Variants in RFX3 observed in about 807,000 individuals in gnomAD.
RFX3 encodes regulatory factor X3, also known as transcription factor RFX3.
Under a neutral mutation model 98.6 loss-of-function variants are expected in RFX3, and 14 were observed. The observed-to-expected ratio is 0.14, with a 90% CI of 0.09 to 0.22. The LOEUF (loss-of-function observed/expected upper bound fraction) is 0.22. Among genes scored for constraint, RFX3 ranks in the 10% least tolerant of loss-of-function variants. The pLI is 1.00. For synonymous variants in RFX3, 383 were observed against 328.4 expected, an observed-to-expected ratio of 1.17 and a Z score of -1.80; for missense variants, 639 against 926.9, an observed-to-expected ratio of 0.69 and a Z score of 4.03.
intron 1 of RFX3, among the ~76,000 whole-genome samples, chr9:3,486,156 A>ATAAT (rs1376623022): frequency 6.5e-4 from 98 of 150,954 alleles, no homozygotes; most frequent in African/African-American, 2.3e-3. Flanking sequence ...AAAAAAAAGA[A>ATAAT]TAATACAGAT....
intron 1 of RFX3, among the ~76,000 whole-genome samples, chr9:3,471,318 T>A (rs1439952169): frequency 6.6e-6 from 1 of 152,238 alleles, no homozygotes; most frequent in Non-Finnish European, 1.5e-5. Context: ...CATTCTGGCA[T>A]CATTTTACAA....
intron 1 of RFX3, 62 bp downstream of exon 1, chr9:3,525,685 A>G (rs994918106): frequency 6.3e-6 from 1 of 159,648 alleles, no homozygotes; most frequent in Non-Finnish European, 1.3e-5. Context: ...ACACGCACGG[A>G]CACACGCGTT....
intron 1 of RFX3, among the ~76,000 whole-genome samples, chr9:3,450,331 A>G (rs2132849233): frequency 6.6e-6 from 1 of 152,234 alleles, no homozygotes; most frequent in Non-Finnish European, 1.5e-5. Flanking sequence ...AAACAACATA[A>G]AACACAGTTA....
At chr9:3,338,744 C>G (rs1483798470) in intron 3 of RFX3, among the ~76,000 whole-genome samples, 1 of 152,096 alleles carries the variant, frequency 6.6e-6, no homozygotes, top group Non-Finnish European at 1.5e-5. Flanking sequence ...CTAGTTGATA[C>G]TACAATTATG....
chr9:3,311,984 C>A (rs962143751), intron 4 of RFX3, among the ~76,000 whole-genome samples: 1 of 152,154 alleles, frequency 6.6e-6, no homozygotes, highest in Non-Finnish European at 1.5e-5. Flanking sequence ...ATGCTCTAAC[C>A]TCCTGTTTCA....
intron 4 of RFX3, among the ~76,000 whole-genome samples, chr9:3,318,652 A>G (rs1830909724): frequency 1.3e-5 from 2 of 151,846 alleles, no homozygotes; most frequent in African/African-American, 4.8e-5. Context: ...AGGTTTTATA[A>G]ATGTTCAAAT....
At chr9:3,352,401 T>C (rs773537868) in intron 2 of RFX3, among the ~76,000 whole-genome samples, 2 of 152,138 alleles carry the variant, frequency 1.3e-5, no homozygotes, top group Admixed American at 6.6e-5. Context: ...AAAACTATCA[T>C]CTTTTATTCT....
At chr9:3,318,868 T>C (rs1161141054) in intron 4 of RFX3, among the ~76,000 whole-genome samples, 1 of 152,184 alleles carries the variant, frequency 6.6e-6, no homozygotes, top group African/African-American at 2.4e-5. Context: ...ATTTGGCTTA[T>C]TTTGGGATGC....
intron 1 of RFX3, among the ~76,000 whole-genome samples, chr9:3,486,001 T>C (rs752404344): frequency 1.3e-5 from 2 of 151,788 alleles, no homozygotes; most frequent in Non-Finnish European, 2.9e-5. Flanking sequence ...GCGCATTGCC[T>C]GTAATCCCAG....
chr9:3,437,273 AGAGAC>A (rs1355698886), intron 1 of RFX3, among the ~76,000 whole-genome samples: 1 of 152,008 alleles, frequency 6.6e-6, no homozygotes, highest in Non-Finnish European at 1.5e-5. Flanking sequence ...ACTGTACTCA[AGAGAC>A]ATTTAGTTTT....
chr9:3,508,011 T>C (rs886363597), intron 1 of RFX3, among the ~76,000 whole-genome samples: 1 of 151,730 alleles, frequency 6.6e-6, no homozygotes, highest in Non-Finnish European at 1.5e-5. Flanking sequence ...TGATAACTAA[T>C]AAATATTTCT....
At chr9:3,512,235 C>G (rs1213693413) in intron 1 of RFX3, among the ~76,000 whole-genome samples, 3 of 151,808 alleles carry the variant, frequency 2.0e-5, no homozygotes, top group Non-Finnish European at 4.4e-5. Flanking sequence ...CAAAGCAACA[C>G]AAAGTAAAGA....
intron 1 of RFX3, among the ~76,000 whole-genome samples, chr9:3,516,727 T>A (rs1199164026): frequency 6.8e-6 from 1 of 147,640 alleles, no homozygotes; most frequent in African/African-American, 2.4e-5. Context: ...GCTTTCGCAC[T>A]CTCTCTCTCT....
At chr9:3,388,503 A>C (rs1248285698) in intron 2 of RFX3, among the ~76,000 whole-genome samples, 1 of 152,140 alleles carries the variant, frequency 6.6e-6, no homozygotes, top group African/African-American at 2.4e-5. Context: ...AACCAAAAAG[A>C]AACCAATATA....
intron 3 of RFX3, among the ~76,000 whole-genome samples, chr9:3,338,950 G>T (rs147385812): frequency 3.3e-5 from 5 of 151,930 alleles, no homozygotes; most frequent in African/African-American, 1.2e-4. Flanking sequence ...TTAGCCGGGC[G>T]TGGTGGCGTG....
intron 1 of RFX3, among the ~76,000 whole-genome samples, chr9:3,449,235 C>A (rs575275263): frequency 3.9e-5 from 6 of 152,302 alleles, no homozygotes; most frequent in Admixed American, 6.5e-5. Flanking sequence ...TGTCCAAGAT[C>A]ATTGTTTCTA....
At position 3,296,386 on chromosome 9, in the gene RFX3, T is replaced by C. The variant is rs1827992846; in HGVS notation, c.550-3128A>G. Among the ~76,000 whole-genome samples, 4 of 152,128 alleles carry C rather than the reference T, an allele frequency of 2.6e-5. No individual in the cohort carries two copies. The South Asian group carries it at 8.3e-4, about 31-fold the overall frequency. On this transcript the variant is annotated intron_variant, in intron 5 of 16. Coordinates refer to ENST00000617270, the MANE Select transcript of RFX3 (RefSeq NM_001282116.2). ...ACAAGAAGTGAAGCTTTTACTCGAT[T>C]GGCTATGCAGGCCACTGAAATGGCT...
chr9:3,284,076 C>A (rs747820826), intron 7 of RFX3, among the ~76,000 whole-genome samples: 38 of 151,710 alleles, frequency 2.5e-4, no homozygotes, highest in Non-Finnish European at 4.0e-4. Context: ...ATGTGATTGA[C>A]AGATTGTGTA....
chr9:3,422,261 C>A (rs1214023706), intron 1 of RFX3, among the ~76,000 whole-genome samples: 1 of 152,192 alleles, frequency 6.6e-6, no homozygotes, highest in South Asian at 2.1e-4. Context: ...AGGGCTGACT[C>A]CAGAGTCAAC....
Sources: gnomAD v4.1 joint callset for allele counts (sites outside exome capture counted in the v4.1 genomes callset) on GRCh38, gnomAD v4.1.1 for gene constraint, MANE v1.5 for transcripts, NCBI Gene and HGNC (gene_info 2026-07-23, HGNC 2026-07-21) for gene names.